The following GRIA3 variants were observed in gnomAD, a reference collection of about 807,000 sequenced individuals.
GRIA3 encodes the protein glutamate receptor 3.
In GRIA3, 3 loss-of-function variants were observed where a neutral mutation model predicts 63.0. The observed-to-expected ratio is 0.05, with a 90% confidence interval of 0.02 to 0.12. GRIA3 has a LOEUF of 0.12. Among genes scored for constraint, GRIA3 ranks in the 10% least tolerant of loss-of-function variants. The pLI, the probability that GRIA3 is intolerant of heterozygous loss-of-function variation, is 1.00. For synonymous variants in GRIA3, 274 were observed against 257.9 expected (o/e 1.06, Z -0.60); for missense variants, 347 against 700.9 (o/e 0.50, Z 5.70).
chrX:123,466,067 G>T (rs747319061), intron 13 of GRIA3, among the ~76,000 whole-genome samples: 3 of 111,702 alleles, frequency 2.7e-5, no homozygotes, highest in African/African-American at 9.8e-5. Flanking sequence ...GCCATGATGT[G>T]GGTTTCAATG....
At chrX:123,404,485 GCTTC>G (rs1011757625) in intron 9 of GRIA3, among the ~76,000 whole-genome samples, 2 of 100,747 alleles carry the variant, frequency 2.0e-5, no homozygotes, top group African/African-American at 7.4e-5. Context: ...ATCCTTCTCT[GCTTC>G]CTTAAATTAC....
At chrX:123,257,466 GAGA>G (rs2044426198) in intron 3 of GRIA3, among the ~76,000 whole-genome samples, 1 of 100,240 alleles carries the variant, frequency 1.0e-5, no homozygotes, top group African/African-American at 3.6e-5. Context: ...AGAGAAAGAA[GAGA>G]AGGAAGGAAG....
At chrX:123,433,129 T>C (rs1480432648) in intron 12 of GRIA3, among the ~76,000 whole-genome samples, 2 of 112,021 alleles carry the variant, frequency 1.8e-5, no homozygotes, top group African/African-American at 3.2e-5. Context: ...CTTCTGGAAA[T>C]AGGCAGTAAT....
chrX:123,420,242 C>G (rs985127638), intron 11 of GRIA3, among the ~76,000 whole-genome samples: 1 of 111,838 alleles, frequency 8.9e-6, no homozygotes, highest in Non-Finnish European at 1.9e-5. Context: ...TTGAGATTAT[C>G]CACTTGGACC....
At chrX:123,204,016 T>C (rs12858303) in intron 2 of GRIA3, among the ~76,000 whole-genome samples, 4,031 of 112,229 alleles carry the variant, frequency 0.036, 105 homozygotes, top group South Asian at 0.2. Flanking sequence ...ACTAAATAGA[T>C]GTTGAGTTAA....
intron 3 of GRIA3, among the ~76,000 whole-genome samples, chrX:123,321,741 TC>T (rs1406286643): frequency 8.9e-6 from 1 of 111,903 alleles, no homozygotes; most frequent in Non-Finnish European, 1.9e-5. Flanking sequence ...CACAGATGAA[TC>T]CCCCAGAAAT....
chrX:123,423,262 G>C (rs2045572149), intron 11 of GRIA3, among the ~76,000 whole-genome samples: 1 of 112,145 alleles, frequency 8.9e-6, no homozygotes, highest in South Asian at 3.7e-4. Context: ...CTTTGTTGAA[G>C]AGGGCAGGGG....
At chrX:123,399,057 T>C (rs1326754256) in intron 7 of GRIA3, among the ~76,000 whole-genome samples, 3 of 111,241 alleles carry the variant, frequency 2.7e-5, no homozygotes, top group Non-Finnish European at 5.7e-5. Context: ...GGTTATGCAC[T>C]ATACTATGGC....
chrX:123,225,296 TA>T (rs2044240588), intron 2 of GRIA3, among the ~76,000 whole-genome samples: 1 of 112,339 alleles, frequency 8.9e-6, no homozygotes, highest in Non-Finnish European at 1.9e-5. Flanking sequence ...AAATGTTAGC[TA>T]TGACTATTTT....
At chrX:123,411,806 A>AT (rs1355114412) in intron 10 of GRIA3, among the ~76,000 whole-genome samples, 1 of 110,927 alleles carries the variant, frequency 9.0e-6, no homozygotes, top group Non-Finnish European at 1.9e-5. Context: ...CATTTGCTTG[A>AT]TTTTGTCTGT....
At chrX:123,225,582 C>G (rs10521716) in intron 2 of GRIA3, among the ~76,000 whole-genome samples, 10,579 of 111,643 alleles carry the variant, frequency 0.095, 461 homozygotes, top group Middle Eastern at 0.19. Context: ...TCTTTAGTCC[C>G]AGGAACTACA....
intron 2 of GRIA3, among the ~76,000 whole-genome samples, chrX:123,192,719 A>G (rs1017819119): frequency 2.7e-5 from 3 of 111,736 alleles, no homozygotes; most frequent in African/African-American, 9.8e-5. Context: ...GGTGCAGGGG[A>G]GCAAGGATAA....
chrX:123,351,498 G>T (rs1394086786), intron 4 of GRIA3, among the ~76,000 whole-genome samples: 1 of 111,804 alleles, frequency 8.9e-6, no homozygotes, highest in Non-Finnish European at 1.9e-5. Context: ...CCTAAAATAT[G>T]CATATCCCTG....
At chrX:123,228,600 A>ATTGAAT (rs2044260457) in intron 2 of GRIA3, among the ~76,000 whole-genome samples, 1 of 111,924 alleles carries the variant, frequency 8.9e-6, no homozygotes, top group African/African-American at 3.2e-5. Context: ...CATTGAGTGT[A>ATTGAAT]CTGCCTGGCC....
chrX:123,186,268 C>T (rs1323219600), intron 2 of GRIA3, among the ~76,000 whole-genome samples: 2 of 110,293 alleles, frequency 1.8e-5, no homozygotes, highest in African/African-American at 6.6e-5. Context: ...CTAGTGTGTT[C>T]CTTCTCCAAC....
intron 10 of GRIA3, among the ~76,000 whole-genome samples, chrX:123,405,898 A>C (rs1269176679): frequency 8.9e-6 from 1 of 112,592 alleles, no homozygotes; most frequent in Non-Finnish European, 1.9e-5. Context: ...CAGAAGATGT[A>C]GCTGATTCAT....
intron 4 of GRIA3, among the ~76,000 whole-genome samples, chrX:123,348,675 G>A (rs2045070874): frequency 8.9e-6 from 1 of 111,822 alleles, no homozygotes; most frequent in Admixed American, 9.5e-5. Flanking sequence ...CCATGACCAA[G>A]GACTCTAGCT....
At chrX:123,407,211 A>T (rs1569431781) in intron 10 of GRIA3, among the ~76,000 whole-genome samples, 1 of 111,319 alleles carries the variant, frequency 9.0e-6, no homozygotes, top group African/African-American at 3.3e-5. Context: ...GCTGCCAGAT[A>T]CTGTACTAAG....
intron 4 of GRIA3, among the ~76,000 whole-genome samples, chrX:123,350,602 T>C (rs886836721): frequency 5.5e-4 from 62 of 112,570 alleles, no homozygotes; most frequent in Middle Eastern, 4.6e-3. Flanking sequence ...GAATATTTTA[T>C]GAATTATTTT....
Sources: gnomAD v4.1 joint callset for allele counts (sites outside exome capture counted in the v4.1 genomes callset) on GRCh38, gnomAD v4.1.1 for gene constraint, MANE v1.5 for transcripts, NCBI Gene and HGNC (gene_info 2026-07-23, HGNC 2026-07-21) for gene names.